The following KMT5B variants were observed in gnomAD, a reference collection of about 807,000 sequenced individuals.
The protein encoded by KMT5B is histone-lysine N-methyltransferase KMT5B.
KMT5B carries 10 observed loss-of-function variants against 83.2 expected under a neutral mutation model. The observed-to-expected ratio is 0.12, with a 90% CI of 0.07 to 0.20. The LOEUF (loss-of-function observed/expected upper bound fraction) is 0.20. Among genes scored for constraint, KMT5B ranks in the 10% least tolerant of loss-of-function variants. The probability of loss-of-function intolerance (pLI) is 1.00; values close to 1 mark genes in which losing one functional copy is unlikely to be tolerated. For synonymous variants in KMT5B, 349 were observed against 388.8 expected, an observed-to-expected ratio of 0.90 and a Z score of 1.20; for missense variants, 753 against 1,067.2, an observed-to-expected ratio of 0.71 and a Z score of 4.10.
Position 68,157,853 on chromosome 11 carries a change from AGAG to A in KMT5B, c.2490_2492del (p.Ser832del), listed in dbSNP as rs749955049. On this transcript the variant is annotated inframe_deletion, in exon 11 of 11. Transcript: ENST00000304363. Reference sequence around the variant, plus strand: ...CATCCTCCTCTTCATCGCCCTCAGAAGAGGAGGAATCATCTGTACTTTCTTCCT... The same window carrying A: ...CATCCTCCTCTTCATCGCCCTCAGAAGAGGAATCATCTGTACTTTCTTCCT... 2.9e-5 allele frequency: 46 copies of A among 1,613,998 alleles called. No individual in the cohort carries two copies. The South Asian group carries it at 2.9e-4, about 10-fold the overall frequency.
chr11:68,190,010 T>C lies in KMT5B; in HGVS notation c.67A>G (p.Asn23Asp), dbSNP rs937445399. ...TTTGATTGATTCTGCTGATGGTCAT[T>C]AGACAACTTGCCTCCATTTCTCCTG... ...NGRRNGGKLS[N>D]DHQQNQSKLQ... The change falls in exon 2 of 11, where the codon AAT (asparagine) becomes GAT (aspartate). Residue 23 changes from asparagine to aspartate, a missense_variant. Around this residue, in one of 9 missense-constraint regions of KMT5B, gnomAD observed 56 missense variants for 91.4 expected, o/e 0.61. Coordinates refer to ENST00000304363, the MANE Select transcript of KMT5B (RefSeq NM_017635.5). The C allele has an allele frequency of 1.9e-6, 3 of 1,614,176 alleles. No homozygotes were observed. The highest frequency in any genetic ancestry group is 1.7e-6 in the Non-Finnish European group (2 of 1,180,018).
At chr11:68,164,256 A>C (rs1010678844) in intron 10 of KMT5B, among the ~76,000 whole-genome samples, 1 of 152,168 alleles carries the variant, frequency 6.6e-6, no homozygotes. Context: ...TACTCAGAAC[A>C]TTTTTTTATA....
At chr11:68,188,004 A>T (rs1397558036) in intron 2 of KMT5B, among the ~76,000 whole-genome samples, 1 of 151,540 alleles carries the variant, frequency 6.6e-6, no homozygotes, top group Non-Finnish European at 1.5e-5. Flanking sequence ...GTGTAACCAA[A>T]GTAATGGCCA....
intron 4 of KMT5B, among the ~76,000 whole-genome samples, chr11:68,175,899 T>TGATGGGGTA (rs1856318400): frequency 6.6e-6 from 1 of 151,070 alleles, no homozygotes; most frequent in African/African-American, 2.4e-5. Context: ...GTAGGAAAAC[T>TGATGGGGTA]GATGGGGTAG....
At chr11:68,179,646 A>G (rs929866490) in intron 4 of KMT5B, 9 of 1,224,544 alleles carry the variant, frequency 7.3e-6, no homozygotes, top group Non-Finnish European at 4.2e-6. Context: ...GAAGGGGAAC[A>G]GAAAAAAGGG....
At chr11:68,167,249 T>A in intron 9 of KMT5B, 71 bp from the exon 10 acceptor site, 1 of 1,518,508 alleles carries the variant, frequency 6.6e-7, no homozygotes, top group Admixed American at 2.1e-5. Flanking sequence ...CTGCTGAGGG[T>A]ACTTGGCTAC....
At chr11:68,207,111 G>A (rs980942607) in intron 1 of KMT5B, among the ~76,000 whole-genome samples, 10 of 151,984 alleles carry the variant, frequency 6.6e-5, no homozygotes, top group South Asian at 2.1e-4. Context: ...GCATGGTGGC[G>A]GCTGAGGCAG....
chr11:68,200,983 C>G (rs1859365502), intron 1 of KMT5B, among the ~76,000 whole-genome samples: 1 of 152,100 alleles, frequency 6.6e-6, no homozygotes, highest in Non-Finnish European at 1.5e-5. Flanking sequence ...GCACTTACTA[C>G]AGATTCTGGT....
Position 68,213,260 on chromosome 11 carries a change from A to G in KMT5B, c.-199T>C, listed in dbSNP as rs1046032870. On this transcript the variant is annotated 5_prime_UTR_variant, in exon 1 of 11. Transcript: ENST00000304363. ...CCCCCCAGAAAATTAATCACCAAAAATAATTCCAGAGAAAAATGGAGAGTA... is the reference window on the plus strand; with the variant it reads ...CCCCCCAGAAAATTAATCACCAAAAGTAATTCCAGAGAAAAATGGAGAGTA... The G allele has an allele frequency of 1.4e-5, 2 of 146,444 alleles. No individual in the cohort carries two copies. The highest frequency in any genetic ancestry group is 4.9e-5 in the African/African-American group (2 of 40,648). The allele number at this position is 146,444 out of a possible 1,614,324, so 9.1% of individuals were successfully genotyped here. A position where few individuals can be genotyped will look rare whatever the true frequency, so the allele number is the denominator to read the frequency against.
intron 1 of KMT5B, among the ~76,000 whole-genome samples, chr11:68,194,029 C>T (rs74859093): frequency 0.011 from 1,733 of 151,988 alleles, 22 homozygotes; most frequent in Non-Finnish European, 0.019. Context: ...ATGGGTGGTC[C>T]ATTGGGAGCC....
chr11:68,174,121 A>G, intron 5 of KMT5B: 3 of 620,878 alleles, frequency 4.8e-6, no homozygotes, highest in Middle Eastern at 6.7e-4. Context: ...GCTGAGAGGA[A>G]GAATCACTTG....
In KMT5B at chr11:68,171,941, C is replaced by G. The variant is rs1590956884; in HGVS notation, c.654-232G>C. 6.6e-6 allele frequency among the ~76,000 whole-genome samples: 1 copy of G among 152,120 alleles called. No homozygotes were observed. The highest frequency in any genetic ancestry group is 2.1e-4 in the South Asian group (1 of 4,816). ...TCTTATTCCTGCAAGAGAATGGAAA[C>G]TCAACCAGGACAGGGACTATGCCAC... On this transcript the variant is annotated intron_variant, in intron 6 of 10. Transcript: ENST00000304363. The surrounding 1 kb of genome is among the most constrained non-coding windows in gnomAD (Gnocchi z 5.1).
rs1412748092 is a variant in KMT5B, at chr11:68,156,432, G to T, written c.*1256C>A. ...GTGCTTCAAAAAACAAATTAAATCT[G>T]ACTCCTTTTTGTTTAACTGATAATA... On this transcript the variant is annotated 3_prime_UTR_variant, in exon 11 of 11. Coordinates refer to ENST00000304363, the MANE Select transcript of KMT5B (RefSeq NM_017635.5). 2.0e-5 allele frequency: 3 copies of T among 152,538 alleles called. No homozygotes were observed. Among genetic ancestry groups the T allele is most frequent in the African/African-American group, 7.2e-5 (3 of 41,432 alleles). The allele number at this position is 152,538 out of a possible 1,614,324, so 9.4% of individuals were successfully genotyped here. A position where few individuals can be genotyped will look rare whatever the true frequency, so the allele number is the denominator to read the frequency against.
At chr11:68,212,881 C>G (rs1449962784) in intron 1 of KMT5B, 1 of 150,006 alleles carries the variant, frequency 6.7e-6, no homozygotes, top group East Asian at 1.9e-4. Flanking sequence ...CGGGCCCGGC[C>G]CCGACGCTGC....
chr11:68,158,210 G>A lies in KMT5B; in HGVS notation c.2136C>T (p.Asn712=), dbSNP rs140333388. The change falls in exon 11 of 11, where the codon AAC becomes AAT. Residue 712 remains asparagine (N), a synonymous_variant. Transcript: ENST00000304363. Reference sequence around the variant, plus strand: ...GAAGAGTCAATTTGGGAATCCCAGAGTTATTTTCTAGGATTAACTGTGCAT... The same window carrying A: ...GAAGAGTCAATTTGGGAATCCCAGAATTATTTTCTAGGATTAACTGTGCAT... The part of the protein sequence containing the change: ...RYDAQLILEN[N]SGIPKLTLRR... 3.2e-5 allele frequency: 52 copies of A among 1,614,140 alleles called. No homozygotes were observed. The African/African-American group carries it at 6.7e-4, about 21-fold the overall frequency.
intron 1 of KMT5B, among the ~76,000 whole-genome samples, chr11:68,211,386 G>A (rs1449765120): frequency 6.6e-6 from 1 of 152,122 alleles, no homozygotes. Flanking sequence ...CATGGATAAA[G>A]AATCAAGCCC....
intron 6 of KMT5B, among the ~76,000 whole-genome samples, chr11:68,173,169 T>C (rs905343273): frequency 1.1e-4 from 16 of 152,080 alleles, no homozygotes; most frequent in African/African-American, 3.9e-4. Context: ...GCCACCCGAG[T>C]AGCTAGGACT....
Position 68,171,146 on chromosome 11 carries a change from C to T in KMT5B, c.846G>A (p.Val282=). The T allele has an allele frequency of 1.2e-6, 2 of 1,609,092 alleles. No individual in the cohort carries two copies. The highest frequency in any genetic ancestry group is 1.7e-6 in the Non-Finnish European group (2 of 1,178,986). Residue 282 remains valine, a synonymous_variant, in exon 9 of 11, where the codon GTG becomes GTA. Coordinates refer to ENST00000304363, the MANE Select transcript of KMT5B (RefSeq NM_017635.5). The surrounding 1 kb of genome is among the most constrained non-coding windows in gnomAD (Gnocchi z 5.1). ...NHDCRPNCKF[V]STGRDTACVK... is the part of the protein sequence containing the mutation. ...CACATGCTGTATCTCGACCAGTTGA[C>T]ACAAACTAAAATAAAAGTAACTCAG...
intron 2 of KMT5B, among the ~76,000 whole-genome samples, chr11:68,188,439 G>T (rs529613184): frequency 7.3e-4 from 111 of 151,732 alleles, no homozygotes; most frequent in African/African-American, 2.6e-3. Flanking sequence ...CTAACTCCTG[G>T]GCTCAAGTGA....
Sources: allele counts gnomAD v4.1 joint callset (sites outside exome capture counted in the v4.1 genomes callset), GRCh38; gene constraint gnomAD v4.1.1; regional missense constraint gnomAD v4.1.1; non-coding constraint Gnocchi (gnomAD v3.1); transcripts MANE v1.5; gene names NCBI Gene and HGNC (gene_info 2026-07-23, HGNC 2026-07-21).